The following NFIB variants were observed in gnomAD, a reference collection of about 807,000 sequenced individuals.
NFIB encodes nuclear factor 1 B-type.
NFIB carries 11 observed loss-of-function variants against 61.5 expected under a neutral mutation model. That is an observed-to-expected ratio of 0.18 (90% CI 0.11 to 0.30). NFIB has a LOEUF of 0.30. Ranked by LOEUF, NFIB falls within the 10% of genes least tolerant of loss-of-function variation. The pLI, the probability that NFIB is intolerant of heterozygous loss-of-function variation, is 1.00. For synonymous variants in NFIB, 260 were observed against 216.5 expected (o/e 1.20, Z -1.76); for missense variants, 471 against 608.9 (o/e 0.77, Z 2.38).
chr9:14,331,046 C>A (rs971205694), intron 1 of NFIB, among the ~76,000 whole-genome samples: 12 of 152,138 alleles, frequency 7.9e-5, no homozygotes, highest in South Asian at 2.1e-4. Context: ...CAATTTAGGC[C>A]AATGGCAGCA....
the NFIB span, among the ~76,000 whole-genome samples, chr9:14,450,109 T>A: frequency 6.6e-6 from 1 of 151,952 alleles, no homozygotes; most frequent in African/African-American, 2.4e-5. Context: ...CTTAATGCTA[T>A]CCCTCCCCCA....
At chr9:14,421,536 ATT>A in the NFIB span, among the ~76,000 whole-genome samples, 1 of 152,268 alleles carries the variant, frequency 6.6e-6, no homozygotes, top group Non-Finnish European at 1.5e-5. Context: ...GGTAAATCAG[ATT>A]AACTCTTCCA....
chr9:14,211,607 G>C (rs1372584459), intron 2 of NFIB, among the ~76,000 whole-genome samples: 1 of 152,216 alleles, frequency 6.6e-6, no homozygotes, highest in Non-Finnish European at 1.5e-5. Flanking sequence ...ACAGAATCCA[G>C]AGCCAGGGAC....
chr9:14,472,144 G>A, the NFIB span, among the ~76,000 whole-genome samples: 2 of 152,198 alleles, frequency 1.3e-5, no homozygotes, highest in African/African-American at 4.8e-5. Context: ...CTGAAATTTT[G>A]AGGTCTATGT....
chr9:14,106,878 A>T (rs562422764), intron 10 of NFIB, among the ~76,000 whole-genome samples: 1 of 152,258 alleles, frequency 6.6e-6, no homozygotes, highest in African/African-American at 2.4e-5. Flanking sequence ...AGGCTGAGGT[A>T]CTAACAGTTC....
intron 2 of NFIB, among the ~76,000 whole-genome samples, chr9:14,297,492 A>T (rs1452503436): frequency 6.6e-6 from 1 of 152,210 alleles, no homozygotes; most frequent in Non-Finnish European, 1.5e-5. Context: ...TCCTGGGGGA[A>T]AAACAGTTTA....
At chr9:14,503,187 T>C in the NFIB span, among the ~76,000 whole-genome samples, 1 of 151,650 alleles carries the variant, frequency 6.6e-6, no homozygotes, top group Non-Finnish European at 1.5e-5. Context: ...TATTTGCTCA[T>C]TGATTGATGG....
intron 1 of NFIB, among the ~76,000 whole-genome samples, chr9:14,364,747 G>A (rs1332259571): frequency 6.6e-6 from 1 of 152,184 alleles, no homozygotes; most frequent in African/African-American, 2.4e-5. Context: ...CGTTTTGACA[G>A]TTACTATGGT....
At chr9:14,423,916 T>C in the NFIB span, among the ~76,000 whole-genome samples, 1 of 152,194 alleles carries the variant, frequency 6.6e-6, no homozygotes, top group Non-Finnish European at 1.5e-5. Context: ...CCATCATCCA[T>C]TTCCCATCCT....
At chr9:14,461,479 G>A in the NFIB span, among the ~76,000 whole-genome samples, 1 of 152,178 alleles carries the variant, frequency 6.6e-6, no homozygotes, top group Non-Finnish European at 1.5e-5. Flanking sequence ...ATCAGCAGCA[G>A]GCAGGAGTCC....
chr9:14,298,464 A>T (rs1257115251), intron 2 of NFIB, among the ~76,000 whole-genome samples: 2 of 152,210 alleles, frequency 1.3e-5, no homozygotes, highest in African/African-American at 4.8e-5. Flanking sequence ...GTACCATCAT[A>T]AAACAGAGAA....
At chr9:14,228,230 T>A (rs1054301401) in intron 2 of NFIB, among the ~76,000 whole-genome samples, 62 of 149,124 alleles carry the variant, frequency 4.2e-4, no homozygotes, top group Non-Finnish European at 1.8e-4. Context: ...AGGGTCTCAC[T>A]GTCATCCAGG....
At chr9:14,507,292 C>A in the NFIB span, among the ~76,000 whole-genome samples, 1 of 152,040 alleles carries the variant, frequency 6.6e-6, no homozygotes, top group East Asian at 1.9e-4. Flanking sequence ...TTTGAGGGAG[C>A]GTGATATAAA....
chr9:14,243,487 G>A (rs991668085), intron 2 of NFIB, among the ~76,000 whole-genome samples: 1 of 152,038 alleles, frequency 6.6e-6, no homozygotes, highest in African/African-American at 2.4e-5. Flanking sequence ...AGAGGAGCAG[G>A]TTTGGGGGTG....
At chr9:14,265,126 T>C (rs555357010) in intron 2 of NFIB, among the ~76,000 whole-genome samples, 2 of 152,310 alleles carry the variant, frequency 1.3e-5, no homozygotes, top group South Asian at 4.1e-4. Context: ...CTCAGCAATG[T>C]TCTTTGGATC....
intron 2 of NFIB, among the ~76,000 whole-genome samples, chr9:14,231,969 G>A (rs2053238639): frequency 6.6e-6 from 1 of 152,188 alleles, no homozygotes; most frequent in African/African-American, 2.4e-5. Context: ...CCACAGTGTG[G>A]CTGAAAGACT....
At chr9:14,164,649 AT>A (rs1452613925) in intron 3 of NFIB, among the ~76,000 whole-genome samples, 1 of 152,166 alleles carries the variant, frequency 6.6e-6, no homozygotes, top group African/African-American at 2.4e-5. Context: ...CATACAACTT[AT>A]TGACTACAAC....
chr9:14,174,611 G>GA (rs1242496112), intron 3 of NFIB, among the ~76,000 whole-genome samples: 75 of 151,666 alleles, frequency 4.9e-4, no homozygotes, highest in Non-Finnish European at 2.9e-5. Context: ...ACTAAAAATA[G>GA]AAAAAATTAG....
intron 3 of NFIB, among the ~76,000 whole-genome samples, chr9:14,160,963 C>T (rs75918185): frequency 0.023 from 3,455 of 151,880 alleles, 181 homozygotes; most frequent in East Asian, 0.18. Context: ...GGAGAACAAA[C>T]AGGTGGACAT....
Sources: gnomAD v4.1 joint callset for allele counts (sites outside exome capture counted in the v4.1 genomes callset) on GRCh38, gnomAD v4.1.1 for gene constraint, MANE v1.5 for transcripts, NCBI Gene and HGNC (gene_info 2026-07-23, HGNC 2026-07-21) for gene names.